Variants in PTPRD observed in about 807,000 individuals in gnomAD.
The protein encoded by PTPRD is receptor-type tyrosine-protein phosphatase delta.
A neutral mutation model predicts 214.5 loss-of-function variants in PTPRD; 34 were observed. The ratio of observed to expected loss-of-function variants is 0.16; its 90% CI spans 0.12 to 0.21. The LOEUF is 0.21. PTPRD is among the 10% of genes least tolerant of loss of function. The pLI is 1.00. For missense variants in PTPRD, 2,545 were observed against 2,398.7 expected, an observed-to-expected ratio of 1.06 and a Z score of -1.27; for synonymous variants, 1,128 against 845.7, an observed-to-expected ratio of 1.33 and a Z score of -5.79.
intron 9 of PTPRD, among the ~76,000 whole-genome samples, chr9:9,208,188 G>T (rs2132647222): frequency 6.6e-6 from 1 of 151,470 alleles, no homozygotes; most frequent in Admixed American, 6.6e-5. Flanking sequence ...CTAATTTTTT[G>T]TAGTTTTAGT....
At chr9:10,413,418 C>G (rs2154512979) in intron 2 of PTPRD, among the ~76,000 whole-genome samples, 2 of 152,012 alleles carry the variant, frequency 1.3e-5, no homozygotes, top group South Asian at 4.1e-4. Flanking sequence ...TAAAAGATCT[C>G]TATGATAAGA....
chr9:9,519,469 G>T (rs989412330), intron 8 of PTPRD, among the ~76,000 whole-genome samples: 1 of 151,684 alleles, frequency 6.6e-6, no homozygotes, highest in Non-Finnish European at 1.5e-5. Context: ...AAAAGGAAAA[G>T]AATAAAGGCA....
chr9:8,576,137 T>C (rs2092325366), intron 14 of PTPRD, among the ~76,000 whole-genome samples: 1 of 152,208 alleles, frequency 6.6e-6, no homozygotes, highest in South Asian at 2.1e-4. Context: ...TGGAAGATTA[T>C]TGAAGGCTTT....
intron 2 of PTPRD, among the ~76,000 whole-genome samples, chr9:10,466,987 T>C (rs2098999017): frequency 6.6e-6 from 1 of 152,180 alleles, no homozygotes; most frequent in Non-Finnish European, 1.5e-5. Flanking sequence ...TAGCAAATAC[T>C]ATGAGCATAT....
intron 3 of PTPRD, among the ~76,000 whole-genome samples, chr9:10,185,278 A>C (rs1346429200): frequency 1.3e-5 from 2 of 152,158 alleles, no homozygotes. Context: ...GATATATTTG[A>C]GGCCAAGAGA....
chr9:9,038,613 T>C (rs2099629588), intron 10 of PTPRD, among the ~76,000 whole-genome samples: 1 of 147,996 alleles, frequency 6.8e-6, no homozygotes, highest in South Asian at 2.2e-4. Context: ...TGGAAATCAG[T>C]GGTGTGATCT....
At chr9:9,716,386 G>A (rs1013303171) in intron 7 of PTPRD, among the ~76,000 whole-genome samples, 13 of 151,746 alleles carry the variant, frequency 8.6e-5, no homozygotes, top group Admixed American at 2.6e-4. Flanking sequence ...GGATGGCTGG[G>A]TCAAATGGTA....
chr9:9,786,791 G>T (rs1333144364), intron 5 of PTPRD, among the ~76,000 whole-genome samples: 1 of 152,116 alleles, frequency 6.6e-6, no homozygotes, highest in Non-Finnish European at 1.5e-5. Context: ...ATCACTTGCA[G>T]GTAAGTTGCA....
intron 5 of PTPRD, among the ~76,000 whole-genome samples, chr9:9,861,973 A>G (rs1320157228): frequency 6.6e-6 from 1 of 152,216 alleles, no homozygotes; most frequent in Non-Finnish European, 1.5e-5. Flanking sequence ...TCCATTTTTT[A>G]TTATGAGTAA....
intron 3 of PTPRD, among the ~76,000 whole-genome samples, chr9:10,273,549 C>T (rs1307064066): frequency 6.6e-6 from 1 of 152,032 alleles, no homozygotes; most frequent in East Asian, 1.9e-4. Flanking sequence ...AGTAGAAATG[C>T]ATTTATTTTG....
intron 11 of PTPRD, among the ~76,000 whole-genome samples, chr9:8,802,888 C>CA (rs929949148): frequency 5.9e-5 from 9 of 151,962 alleles, no homozygotes; most frequent in Non-Finnish European, 1.0e-4. Context: ...CACATCTCTA[C>CA]AAAAAATTTA....
chr9:9,247,763 T>G (rs572055906), intron 9 of PTPRD, among the ~76,000 whole-genome samples: 1 of 152,142 alleles, frequency 6.6e-6, no homozygotes, highest in Admixed American at 6.6e-5. Flanking sequence ...AAAATATAGA[T>G]GTAAGAGATA....
chr9:8,341,085 G>A lies in PTPRD; in HGVS notation c.5126+5C>T. ...TTGGATAGTCAGGGGAGCAAAAGTA[G>A]ATACCTGTATCCATCAATAAAACTG... On this transcript the variant is annotated splice_donor_5th_base_variant and intron_variant, in intron 41 of 45. Transcript: ENST00000381196. 2 of 1,585,708 alleles carry A rather than the reference G, an allele frequency of 1.3e-6. No individual in the cohort carries two copies. Among genetic ancestry groups the A allele is most frequent in the Non-Finnish European group, 1.7e-6 (2 of 1,166,704 alleles).
At chr9:9,402,648 T>A (rs1040533719) in intron 8 of PTPRD, among the ~76,000 whole-genome samples, 5 of 152,000 alleles carry the variant, frequency 3.3e-5, no homozygotes, top group Non-Finnish European at 5.9e-5. Context: ...AACATTGAGA[T>A]AATGCAATTC....
chr9:10,223,214 C>A (rs1373890336), intron 3 of PTPRD, among the ~76,000 whole-genome samples: 1 of 151,896 alleles, frequency 6.6e-6, no homozygotes. Flanking sequence ...CCCTCTCCCC[C>A]TTCTCCCCTT....
At chr9:9,678,523 A>C (rs1187851273) in intron 7 of PTPRD, among the ~76,000 whole-genome samples, 3 of 151,962 alleles carry the variant, frequency 2.0e-5, no homozygotes, top group Non-Finnish European at 2.9e-5. Flanking sequence ...TACACAATAA[A>C]AAATCCTTCG....
At chr9:10,392,605 C>T (rs754260268) in intron 2 of PTPRD, among the ~76,000 whole-genome samples, 1 of 151,768 alleles carries the variant, frequency 6.6e-6, no homozygotes, top group Non-Finnish European at 1.5e-5. Flanking sequence ...GGAAAGATGG[C>T]TACACAATAT....
At chr9:10,298,456 T>G (rs1244915422) in intron 3 of PTPRD, among the ~76,000 whole-genome samples, 2 of 152,142 alleles carry the variant, frequency 1.3e-5, no homozygotes, top group African/African-American at 4.8e-5. Context: ...TAGAGTTAAG[T>G]TCAAAGAGAA....
intron 2 of PTPRD, among the ~76,000 whole-genome samples, chr9:10,424,749 C>T (rs976970460): frequency 1.3e-5 from 2 of 151,960 alleles, no homozygotes; most frequent in Non-Finnish European, 2.9e-5. Context: ...GTTCAATATT[C>T]ACTGCTATAC....
Sources: gnomAD v4.1 joint callset for allele counts (sites outside exome capture counted in the v4.1 genomes callset) on GRCh38, gnomAD v4.1.1 for gene constraint, MANE v1.5 for transcripts, NCBI Gene and HGNC (gene_info 2026-07-23, HGNC 2026-07-21) for gene names.